Variants in ADAMTS7 observed in about 807,000 individuals in gnomAD.
The protein encoded by ADAMTS7 is ADAM metallopeptidase with thrombospondin type 1 motif 7.
A neutral mutation model predicts 172.6 loss-of-function variants in ADAMTS7; 89 were observed. The observed-to-expected ratio is 0.52, with a 90% CI of 0.43 to 0.61. The LOEUF is 0.61. Ranked by LOEUF, ADAMTS7 falls within the 20% of genes least tolerant of loss-of-function variation. The pLI is 0.00. For synonymous variants in ADAMTS7, 885 were observed against 978.4 expected (o/e 0.90, Z 1.78); for missense variants, 1,973 against 2,355.6 (o/e 0.84, Z 3.36).
At chr15:78,776,077 C>G (rs965345683) in intron 11 of ADAMTS7, 111 bp downstream of exon 11, 50 of 1,387,158 alleles carry the variant, frequency 3.6e-5, no homozygotes, top group South Asian at 5.9e-5. Context: ...TGACCATTAT[C>G]AGGACACTTC....
Position 78,763,771 on chromosome 15 carries a change from C to T in ADAMTS7, c.4668G>A (p.Ala1556=), listed in dbSNP as rs770819174. ...TCPEPGLCEE[A]LRPNTTRPCN... ...AGGGCCGGGTGGTGTTGGGTCTCAG[C>T]GCCTCCTCGCAGAGGCCTGGCTCCG... Residue 1556 remains alanine, a synonymous_variant, in exon 22 of 24, where the codon GCG becomes GCA. Transcript: ENST00000388820. 112 of 1,595,858 alleles carry T rather than the reference C, an allele frequency of 7.0e-5. No homozygotes were observed. Among genetic ancestry groups the T allele is most frequent in the Middle Eastern group, 2.3e-4 (1 of 4,414 alleles).
Position 78,771,848 on chromosome 15 carries a change from G to T in ADAMTS7, c.2132-19C>A. The stretch of plus-strand genomic sequence containing the variant: ...ACATACCCTGTCAGCCAAGGGTTGT[G>T]CATAGGTTGTGCCCAGGGTGAGAGG... On this transcript the variant is annotated intron_variant, in intron 14 of 23. Transcript: ENST00000388820. This position sits in a 1 kb window ranked among gnomAD's most constrained non-coding sequence, Gnocchi z 4.9. The T allele has an allele frequency of 6.2e-7, 1 of 1,604,456 alleles. No individual in the cohort carries two copies. Among genetic ancestry groups the T allele is most frequent in the Non-Finnish European group, 8.5e-7 (1 of 1,177,988 alleles).
At position 78,789,758 on chromosome 15, in the gene ADAMTS7, C is replaced by T. The variant is rs559784416; in HGVS notation, c.1109G>A (p.Arg370His). The T allele has an allele frequency of 2.5e-5, 40 of 1,611,158 alleles. No individual in the cohort carries two copies. The highest frequency in any genetic ancestry group is 1.7e-4 in the Admixed American group (10 of 59,722). ...SHVAGMCQPH[R>H]SCSINEDTGL... ...CGTGTCCTCGTTGATGCTGCAGCTG[C>T]GGTGCGGCTGGCACATGCCCGCCAC... Residue 370 changes from arginine to histidine, a missense_variant, in exon 7 of 24, where the codon CGC becomes CAC. Transcript: ENST00000388820.
At chr15:78,799,841 T>C (rs11638321) in intron 2 of ADAMTS7, among the ~76,000 whole-genome samples, 49,437 of 151,222 alleles carry the variant, frequency 0.33, 9,337 homozygotes, top group Non-Finnish European at 0.44. Context: ...TTCTTTCTTT[T>C]TTTTTTTTTG....
chr15:78,779,735 G>T (rs1270747507), intron 8 of ADAMTS7, among the ~76,000 whole-genome samples: 3 of 152,136 alleles, frequency 2.0e-5, no homozygotes, highest in Admixed American at 1.3e-4. Context: ...CAGCCAGGGG[G>T]TCCTCTGACC....
intron 10 of ADAMTS7, 90 bp downstream of exon 10, chr15:78,776,659 A>T: frequency 7.7e-7 from 1 of 1,306,746 alleles, no homozygotes; most frequent in Non-Finnish European, 1.1e-6. Flanking sequence ...CACAAGCAAG[A>T]CTGTGAGCCG....
intron 8 of ADAMTS7, among the ~76,000 whole-genome samples, chr15:78,787,951 A>T (rs2055526549): frequency 6.6e-6 from 1 of 151,958 alleles, no homozygotes; most frequent in Non-Finnish European, 1.5e-5. Flanking sequence ...CCTTCTGCAC[A>T]TGTGTGAATT....
chr15:78,777,176 C>G, intron 9 of ADAMTS7: 1 of 578,662 alleles, frequency 1.7e-6, no homozygotes, highest in South Asian at 2.2e-5. Context: ...TTCCTTTTCC[C>G]TCTTATAAGC....
At chr15:78,810,212 A>G (rs1255970365) in intron 1 of ADAMTS7, among the ~76,000 whole-genome samples, 1 of 152,106 alleles carries the variant, frequency 6.6e-6, no homozygotes, top group African/African-American at 2.4e-5. Flanking sequence ...GAATCCATCC[A>G]TCCTTCCAGT....
chr15:78,759,487 G>A lies in ADAMTS7; in HGVS notation c.4995C>T (p.Cys1665=). The A allele has an allele frequency of 9.4e-6, 15 of 1,597,334 alleles. No homozygotes were observed. Among genetic ancestry groups the A allele is most frequent in the Non-Finnish European group, 1.3e-5 (15 of 1,177,446 alleles). ...CQLPTIRTQC[C]RSCSPPSHGA... ...CGTGGCTGGGCGGAGAGCACGAGCGGCAGCACTGGGTGCGGATGGTGGGCA... is the reference window on the plus strand; with the variant it reads ...CGTGGCTGGGCGGAGAGCACGAGCGACAGCACTGGGTGCGGATGGTGGGCA... The change falls in exon 24 of 24, where the codon TGC becomes TGT. Residue 1665 remains cysteine, a synonymous_variant. Transcript: ENST00000388820.
In ADAMTS7 at chr15:78,776,323, C is replaced by G; in HGVS notation, c.1571G>C (p.Ser524Thr). 1 of 1,611,568 alleles carries G rather than the reference C, an allele frequency of 6.2e-7. No individual in the cohort carries two copies. The change falls in exon 11 of 24, where the codon AGT becomes ACT. Residue 524 changes from serine to threonine, a missense_variant. Transcript: ENST00000388820. ...GAAGCCCACGGGTACGCACTCCCCACTGAGACACCACTACTGAGACAGACG... is the reference window on the plus strand; with the variant it reads ...GAAGCCCACGGGTACGCACTCCCCAGTGAGACACCACTACTGAGACAGACG... The part of the protein sequence containing the change: ...TRCGENKWCL[S>T]GECVPVGFRP...
Position 78,768,252 on chromosome 15 carries a change from C to T in ADAMTS7, c.2526G>A (p.Gln842=). ...KCTVTCGRGV[Q]RQNVYCLERQ... ...GCTCCAAGCAGTACACATTCTGCCT[C>T]TGCACACCTAGGGGCCACGGGGCTC... The change falls in exon 17 of 24, where the codon CAG becomes CAA. Residue 842 remains glutamine, a synonymous_variant. Coordinates refer to ENST00000388820, the MANE Select transcript of ADAMTS7 (RefSeq NM_014272.5). 2 of 1,610,806 alleles carry T rather than the reference C, an allele frequency of 1.2e-6. No individual in the cohort carries two copies. Among genetic ancestry groups the T allele is most frequent in the Non-Finnish European group, 8.5e-7 (1 of 1,179,630 alleles).
At chr15:78,781,076 G>C (rs1443539611) in intron 8 of ADAMTS7, among the ~76,000 whole-genome samples, 6 of 152,194 alleles carry the variant, frequency 3.9e-5, no homozygotes. Context: ...TACCTGGCTG[G>C]ATAAGCATCT....
chr15:78,764,751 G>GGCCGATCCCATCCCCA, intron 19 of ADAMTS7, 44 bp from the exon 20 acceptor site: 1 of 1,438,238 alleles, frequency 7.0e-7, no homozygotes, highest in Non-Finnish European at 9.1e-7. Context: ...TCCCATCCCC[G>GGCCGATCCCATCCCCA]CCAGGCCTCC....
rs1045130 is a variant in ADAMTS7 at position 78,759,379 on chromosome 15, G to A, written c.*42C>T. ...CGGGAGCTCCGCCACAGCCCGTGGT[G>A]GGCACTGAGGTCTGTCGGTCGGTCT... On this transcript the variant is annotated 3_prime_UTR_variant, in exon 24 of 24. Transcript: ENST00000388820. 0.3 allele frequency: 453,597 copies of A among 1,535,012 alleles called. 67,059 individuals carry two copies. The highest frequency in any genetic ancestry group is 0.33 in the Non-Finnish European group (373,618 of 1,142,388).
intron 4 of ADAMTS7, among the ~76,000 whole-genome samples, chr15:78,794,428 T>C (rs1390395147): frequency 6.6e-6 from 1 of 152,156 alleles, no homozygotes; most frequent in African/African-American, 2.4e-5. Context: ...CTGCCATCCC[T>C]GCAGCCTCCT....
intron 1 of ADAMTS7, 198 bp downstream of exon 1, chr15:78,810,923 C>T: frequency 2.0e-6 from 1 of 494,890 alleles, no homozygotes; most frequent in Middle Eastern, 5.7e-4. Flanking sequence ...AGGAAGTTTC[C>T]CCAGAAGCGC....
chr15:78,800,231 G>C lies in ADAMTS7; in HGVS notation c.417C>G (p.Leu139=), dbSNP rs767982070. The C allele has an allele frequency of 2.5e-6, 4 of 1,595,084 alleles. No homozygotes were observed. The highest frequency in any genetic ancestry group is 1.1e-5 in the South Asian group (1 of 90,888). ...CGCTGATGGCCGCCAGGCCACCCTC[G>C]AGCTCAGGGTCCTGCACCTCGCCAA... The part of the protein sequence containing the change: ...HLLGEVQDPE[L]EGGLAAISAC... Residue 139 remains leucine, a synonymous_variant, in exon 2 of 24, where the codon CTC becomes CTG. Coordinates refer to ENST00000388820, the MANE Select transcript of ADAMTS7 (RefSeq NM_014272.5).
intron 1 of ADAMTS7, 72 bp from the exon 2 acceptor site, chr15:78,800,619 A>G: frequency 1.4e-6 from 2 of 1,446,532 alleles, no homozygotes; most frequent in Non-Finnish European, 1.9e-6. Flanking sequence ...GGGGACCAGA[A>G]GGGAGCGGCC....
Sources: gnomAD v4.1 joint callset for allele counts (sites outside exome capture counted in the v4.1 genomes callset) on GRCh38, gnomAD v4.1.1 for gene constraint, Gnocchi (gnomAD v3.1) non-coding constraint, MANE v1.5 for transcripts, NCBI Gene and HGNC (gene_info 2026-07-23, HGNC 2026-07-21) for gene names.